PRC1: variants seen among roughly 807,000 people sequenced by gnomAD.
The protein encoded by PRC1 is protein regulator of cytokinesis 1.
Under a neutral mutation model 91.2 loss-of-function variants are expected in PRC1, and 54 were observed. That is an observed-to-expected ratio of 0.59 (90% CI 0.48 to 0.74). The LOEUF (loss-of-function observed/expected upper bound fraction) is 0.74. Ranked by LOEUF, PRC1 falls within the 30% of genes least tolerant of loss-of-function variation. The probability of loss-of-function intolerance (pLI) is 0.00; values close to 1 mark genes in which losing one functional copy is unlikely to be tolerated. For missense variants in PRC1, 727 were observed against 746.2 expected, an observed-to-expected ratio of 0.97 and a Z score of 0.30; for synonymous variants, 275 against 263.6, an observed-to-expected ratio of 1.04 and a Z score of -0.42.
intron 1 of PRC1, among the ~76,000 whole-genome samples, chr15:90,993,346 G>A (rs978298260): frequency 2.6e-5 from 4 of 151,688 alleles, no homozygotes; most frequent in African/African-American, 7.3e-5. Flanking sequence ...AAAGCTGGGG[G>A]TACAGGCGCG....
chr15:90,970,806 G>A (rs143312205), intron 11 of PRC1, among the ~76,000 whole-genome samples: 2 of 152,284 alleles, frequency 1.3e-5, no homozygotes, highest in Non-Finnish European at 2.9e-5. Flanking sequence ...CTACCCAAAC[G>A]AAATGAAAGC....
rs141081279 is a variant in PRC1, at chr15:90,985,326, G to A, written c.12-501C>T. 2.2e-4 allele frequency among the ~76,000 whole-genome samples: 33 copies of A among 151,446 alleles called. No homozygotes were observed. The East Asian group carries it at 3.1e-3, about 14-fold the overall frequency. On this transcript the variant is annotated intron_variant, in intron 1 of 14. Transcript: ENST00000394249. ...GCTCACTGCAACCTCTACCTTTTGC[G>A]TTCAAATGATTCTCCTGACTCAGCC...
intron 14 of PRC1, chr15:90,967,780 A>G: frequency 1.1e-6 from 1 of 929,860 alleles, no homozygotes; most frequent in Non-Finnish European, 1.3e-6. Context: ...TGATATGTGC[A>G]CAATGAAATT....
At chr15:90,980,156 G>A (rs2039063102) in intron 7 of PRC1, 86 bp downstream of exon 7, 5 of 1,434,618 alleles carry the variant, frequency 3.5e-6, no homozygotes, top group African/African-American at 1.4e-5. Context: ...AGGATTGTTT[G>A]AGCCTAGGAA....
At chr15:90,981,465 G>A (rs767611946) in intron 5 of PRC1, 34 bp downstream of exon 5, 11 of 1,610,632 alleles carry the variant, frequency 6.8e-6, no homozygotes, top group African/African-American at 4.0e-5. Flanking sequence ...TATATACTAC[G>A]GAGATCCTAG....
At chr15:90,991,868 C>A (rs1043202381) in intron 1 of PRC1, among the ~76,000 whole-genome samples, 1 of 152,128 alleles carries the variant, frequency 6.6e-6, no homozygotes, top group African/African-American at 2.4e-5. Flanking sequence ...AAGTCCTAAT[C>A]TTCTACTCAG....
At chr15:90,979,711 G>A (rs2039029842) in intron 7 of PRC1, among the ~76,000 whole-genome samples, 1 of 152,190 alleles carries the variant, frequency 6.6e-6, no homozygotes, top group African/African-American at 2.4e-5. Context: ...TGGACTCCAG[G>A]AGTCAAGCTC....
At chr15:90,968,902 A>T (rs930384404) in intron 14 of PRC1, 177 bp downstream of exon 14, 40 of 1,416,132 alleles carry the variant, frequency 2.8e-5, no homozygotes, top group South Asian at 1.3e-4. Context: ...AAATTTTATT[A>T]ATTAATCTGT....
intron 1 of PRC1, among the ~76,000 whole-genome samples, chr15:90,987,455 G>A (rs780371180): frequency 2.1e-4 from 32 of 152,192 alleles, no homozygotes; most frequent in Non-Finnish European, 3.7e-4. Flanking sequence ...GTTTCTGAAT[G>A]TATGTTATTC....
rs373342939 is a variant in PRC1, at chr15:90,981,858, G to C, written c.391C>G (p.Leu131Val). 2.5e-6 allele frequency: 4 copies of C among 1,614,106 alleles called. No homozygotes were observed. In the African/African-American group the frequency reaches 5.3e-5, roughly 22 times the overall value. Residue 131 changes from leucine (L) to valine (V), a missense_variant, in exon 4 of 15, where the codon CTG becomes GTG. Physicochemically the swap from Leu to Val is conservative, Grantham distance 32. Transcript: ENST00000394249. ...LKLLQEQDQE[L>V]CEILCMPHYD... ...TGGGGCATACAAAGAATTTCGCACAGTTCTTGATCTTGCTCTTGAAGTAGC... is the reference window on the plus strand; with the variant it reads ...TGGGGCATACAAAGAATTTCGCACACTTCTTGATCTTGCTCTTGAAGTAGC...
chr15:90,967,452 C>T, intron 14 of PRC1: 1 of 525,298 alleles, frequency 1.9e-6, no homozygotes, highest in South Asian at 2.1e-5. Flanking sequence ...TGTTACACCT[C>T]ACAGAAGAGA....
chr15:90,972,364 T>C (rs769145130), intron 11 of PRC1, among the ~76,000 whole-genome samples: 16 of 151,896 alleles, frequency 1.1e-4, no homozygotes, highest in Non-Finnish European at 1.9e-4. Context: ...GTGTGGGTGA[T>C]AGAGCAAGAC....
intron 14 of PRC1, chr15:90,968,420 A>G: frequency 1.0e-6 from 1 of 985,656 alleles, no homozygotes; most frequent in Non-Finnish European, 1.2e-6. Context: ...TATCCCCTCA[A>G]GGGTGAGGAA....
intron 1 of PRC1, chr15:90,987,790 T>G (rs529706369): frequency 6.6e-6 from 1 of 152,254 alleles, no homozygotes; most frequent in South Asian, 2.1e-4. Context: ...CATTAGCCCC[T>G]TTCTGTCTCA....
rs1373767967 is a variant in PRC1 at position 90,984,025 on chromosome 15, G to A, written c.260C>T (p.Pro87Leu). 2 of 1,614,036 alleles carry A rather than the reference G, an allele frequency of 1.2e-6. No individual in the cohort carries two copies. Among genetic ancestry groups the A allele is most frequent in the East Asian group, 2.2e-5 (1 of 44,876 alleles). The change falls in exon 3 of 15, where the codon CCA (proline) becomes CTA (leucine). Residue 87 changes from proline to leucine, a missense_variant. Pro to Leu is a moderately conservative substitution (Grantham distance 98). Transcript: ENST00000394249. The surrounding 1 kb of genome is among the most constrained non-coding windows in gnomAD (Gnocchi z 5.1). ...CTGTGGGCTGCCACGGACCTGAAATGGCTCAACATGTAACTCGCTGCACAG... is the reference window on the plus strand; with the variant it reads ...CTGTGGGCTGCCACGGACCTGAAATAGCTCAACATGTAACTCGCTGCACAG... ...NTLCSELHVEPFQEEGETTIL... is the reference protein window; with the variant it reads ...NTLCSELHVELFQEEGETTIL...
Position 90,984,206 on chromosome 15 carries a change from C to A in PRC1, c.145-66G>T. On this transcript the variant is annotated intron_variant, in intron 2 of 14. Transcript: ENST00000394249. The surrounding 1 kb of genome is among the most constrained non-coding windows in gnomAD (Gnocchi z 5.1). ...GGAAAAAAACTCCCAACACCAATACCAAACTCCTCAAATTTCTTTTTTCTT... is the reference window on the plus strand; with the variant it reads ...GGAAAAAAACTCCCAACACCAATACAAAACTCCTCAAATTTCTTTTTTCTT... 6.4e-7 allele frequency: 1 copy of A among 1,556,312 alleles called. No homozygotes were observed. Among genetic ancestry groups the A allele is most frequent in the South Asian group, 1.2e-5 (1 of 86,054 alleles).
intron 13 of PRC1, 111 bp from the exon 14 acceptor site, chr15:90,969,231 G>C: frequency 7.7e-7 from 1 of 1,295,740 alleles, no homozygotes; most frequent in Non-Finnish European, 1.1e-6. Flanking sequence ...TAAGCAGAAG[G>C]ATCCAGGTTA....
intron 11 of PRC1, among the ~76,000 whole-genome samples, chr15:90,972,699 T>C (rs915956537): frequency 4.0e-5 from 6 of 151,706 alleles, no homozygotes; most frequent in South Asian, 2.1e-4. Context: ...AGATCACCCA[T>C]TGCACTCCAG....
In PRC1 at chr15:90,976,762, A is replaced by G. The variant is rs1475900856; in HGVS notation, c.1117T>C (p.Ser373Pro). ...RLFLEFERKASDPNRFTNRGG... is the reference protein window; with the variant it reads ...RLFLEFERKAPDPNRFTNRGG... The stretch of plus-strand genomic sequence containing the variant: ...CGGTTTGTAAATCGATTTGGATCTG[A>G]AGCTTTTCTCTGTGAAAAATACATT... The change falls in exon 9 of 15, where the codon TCA (serine) becomes CCA (proline). Residue 373 changes from serine to proline, a missense_variant. Coordinates refer to ENST00000394249, the MANE Select transcript of PRC1 (RefSeq NM_003981.4). 6.2e-7 allele frequency: 1 copy of G among 1,611,740 alleles called. No homozygotes were observed. The highest frequency in any genetic ancestry group is 1.7e-5 in the Admixed American group (1 of 59,842).
Sources: gnomAD v4.1 joint callset for allele counts (sites outside exome capture counted in the v4.1 genomes callset) on GRCh38, gnomAD v4.1.1 for gene constraint, Gnocchi (gnomAD v3.1) non-coding constraint, MANE v1.5 for transcripts, NCBI Gene and HGNC (gene_info 2026-07-23, HGNC 2026-07-21) for gene names.